The following ADIPOR2 variants were observed in gnomAD, a reference collection of about 807,000 sequenced individuals.
The protein encoded by ADIPOR2 is adiponectin receptor protein 2.
In ADIPOR2, 18 loss-of-function variants were observed where a neutral mutation model predicts 40.9. The observed-to-expected ratio is 0.44, with a 90% CI of 0.30 to 0.65. The LOEUF (loss-of-function observed/expected upper bound fraction) is 0.65, where lower values mean the gene tolerates loss of function less well. Ranked by LOEUF, ADIPOR2 falls within the 30% of genes least tolerant of loss-of-function variation. ADIPOR2 has a pLI of 0.09. For missense variants in ADIPOR2, 283 were observed against 479.2 expected (o/e 0.59, Z 3.82); for synonymous variants, 165 against 166.4 (o/e 0.99, Z 0.06).
intron 1 of ADIPOR2, among the ~76,000 whole-genome samples, chr12:1,713,097 C>T (rs2094680833): frequency 6.6e-6 from 1 of 152,078 alleles, no homozygotes; most frequent in Non-Finnish European, 1.5e-5. Context: ...GAGGGCTATC[C>T]CTGAACCTTT....
intron 1 of ADIPOR2, among the ~76,000 whole-genome samples, chr12:1,693,306 A>G (rs2094631176): frequency 7.8e-6 from 1 of 128,922 alleles, no homozygotes; most frequent in African/African-American, 2.6e-5. Flanking sequence ...TTTATTTACT[A>G]TGTGGACCTT....
chr12:1,784,954 A>ATTT (rs1381644347), intron 7 of ADIPOR2, among the ~76,000 whole-genome samples: 2 of 152,238 alleles, frequency 1.3e-5, no homozygotes, highest in African/African-American at 2.4e-5. Flanking sequence ...GAACTTAAGC[A>ATTT]ATCTTTCTAG....
At chr12:1,757,889 A>G (rs1862175254) in intron 2 of ADIPOR2, 1 of 816,000 alleles carries the variant, frequency 1.2e-6, no homozygotes, top group African/African-American at 1.7e-5. Flanking sequence ...TGATGGGGAG[A>G]CACTCTCTCA....
At chr12:1,717,462 T>C (rs2094689840) in intron 1 of ADIPOR2, among the ~76,000 whole-genome samples, 1 of 152,140 alleles carries the variant, frequency 6.6e-6, no homozygotes, top group Non-Finnish European at 1.5e-5. Flanking sequence ...ATCCCAGCAC[T>C]TTGGGAGGCA....
At chr12:1,710,428 C>T (rs1345178126) in intron 1 of ADIPOR2, among the ~76,000 whole-genome samples, 1 of 152,126 alleles carries the variant, frequency 6.6e-6, no homozygotes, top group Non-Finnish European at 1.5e-5. Flanking sequence ...ACTCTGGACA[C>T]ATCTTGGTGA....
chr12:1,736,664 G>A (rs1344578553), intron 1 of ADIPOR2, among the ~76,000 whole-genome samples: 1 of 152,158 alleles, frequency 6.6e-6, no homozygotes, highest in East Asian at 1.9e-4. Context: ...GCTTTTGAAT[G>A]TGTTTGCTCT....
intron 1 of ADIPOR2, among the ~76,000 whole-genome samples, chr12:1,735,345 C>A (rs570619193): frequency 6.6e-6 from 1 of 152,190 alleles, no homozygotes; most frequent in Non-Finnish European, 1.5e-5. Context: ...GTATTTTATT[C>A]TCTTTGAAGC....
intron 5 of ADIPOR2, 117 bp downstream of exon 5, chr12:1,780,754 T>TA (rs575657654): frequency 0.021 from 26,555 of 1,265,094 alleles, 294 homozygotes; most frequent in Middle Eastern, 0.037. Context: ...TTTTTTTTTT[T>TA]TAAAAATTAA....
At chr12:1,762,449 A>G (rs1862289982) in intron 2 of ADIPOR2, among the ~76,000 whole-genome samples, 1 of 151,996 alleles carries the variant, frequency 6.6e-6, no homozygotes, top group Admixed American at 6.6e-5. Flanking sequence ...CTGGTCTTTG[A>G]GTGGCATATA....
At position 1,786,173 on chromosome 12, in the gene ADIPOR2, C is replaced by T. The variant is rs1206728421; in HGVS notation, c.*101C>T. On this transcript the variant is annotated 3_prime_UTR_variant, in exon 8 of 8. Coordinates refer to ENST00000357103, the MANE Select transcript of ADIPOR2 (RefSeq NM_024551.3). ...TGCCAGTACCAGAGGAGCCCCAAAA[C>T]TTTGACAGCCTCGTGGGCTTTGTGA... 6.8e-7 allele frequency: 1 copy of T among 1,476,356 alleles called. No individual in the cohort carries two copies. Among genetic ancestry groups the T allele is most frequent in the East Asian group, 2.3e-5 (1 of 43,610 alleles). The allele number at this position is 1,476,356 out of a possible 1,614,324, so 91.5% of individuals were successfully genotyped here.
chr12:1,773,679 G>A (rs1862532342), intron 3 of ADIPOR2, among the ~76,000 whole-genome samples: 2 of 152,050 alleles, frequency 1.3e-5, no homozygotes, highest in Non-Finnish European at 1.5e-5. Flanking sequence ...GTGTGTATAC[G>A]TATGTGTATG....
At chr12:1,703,297 A>T (rs894712627) in intron 1 of ADIPOR2, among the ~76,000 whole-genome samples, 19 of 152,352 alleles carry the variant, frequency 1.2e-4, no homozygotes, top group Admixed American at 5.2e-4. Flanking sequence ...AAATTTTTGC[A>T]GGCACATATG....
intron 2 of ADIPOR2, among the ~76,000 whole-genome samples, chr12:1,760,200 C>A (rs1034581513): frequency 6.6e-6 from 1 of 151,988 alleles, no homozygotes; most frequent in Non-Finnish European, 1.5e-5. Flanking sequence ...TTCTTAGCAA[C>A]ATGCTTTGCA....
intron 1 of ADIPOR2, among the ~76,000 whole-genome samples, chr12:1,748,394 G>A (rs530992767): frequency 3.9e-4 from 60 of 152,090 alleles, no homozygotes; most frequent in Non-Finnish European, 7.2e-4. Context: ...AACTACAGGT[G>A]CCCGCCACCA....
intron 1 of ADIPOR2, among the ~76,000 whole-genome samples, chr12:1,706,208 T>C (rs1403084724): frequency 6.6e-6 from 1 of 152,124 alleles, no homozygotes; most frequent in Non-Finnish European, 1.5e-5. Context: ...AAGTTTACCC[T>C]CAGTCTTCTC....
At chr12:1,757,929 G>A in intron 2 of ADIPOR2, 1 of 938,286 alleles carries the variant, frequency 1.1e-6, no homozygotes. Context: ...TGGACGAGGA[G>A]CAAACACACC....
At chr12:1,726,533 T>C (rs1012089022) in intron 1 of ADIPOR2, among the ~76,000 whole-genome samples, 2 of 152,118 alleles carry the variant, frequency 1.3e-5, no homozygotes, top group Admixed American at 6.5e-5. Context: ...AGATTTCCCA[T>C]TAGGAAGGCA....
At chr12:1,695,380 G>A (rs888220645) in intron 1 of ADIPOR2, among the ~76,000 whole-genome samples, 1 of 151,752 alleles carries the variant, frequency 6.6e-6, no homozygotes, top group Non-Finnish European at 1.5e-5. Context: ...TGGGCTGAGG[G>A]TGGTGGCTAA....
intron 3 of ADIPOR2, among the ~76,000 whole-genome samples, chr12:1,775,793 A>C (rs563305815): frequency 6.6e-6 from 1 of 152,228 alleles, no homozygotes; most frequent in African/African-American, 2.4e-5. Flanking sequence ...CACTAAAAGA[A>C]GCAGACTGCA....
Sources: gnomAD v4.1 joint callset for allele counts (sites outside exome capture counted in the v4.1 genomes callset) on GRCh38, gnomAD v4.1.1 for gene constraint, MANE v1.5 for transcripts, NCBI Gene and HGNC (gene_info 2026-07-23, HGNC 2026-07-21) for gene names.